ZNF229: variants seen among roughly 807,000 people sequenced by gnomAD.
The protein encoded by ZNF229 is zinc finger protein 229.
Under a neutral mutation model 11.8 loss-of-function variants are expected in ZNF229, and 10 were observed. The ratio of observed to expected loss-of-function variants is 0.85; its 90% CI spans 0.52 to 1.44. The LOEUF is 1.44. Among genes scored for constraint, ZNF229 ranks in the 40% most tolerant of loss-of-function variants. ZNF229 has a pLI of 0.00. For missense variants in ZNF229, 1,045 were observed against 1,015.1 expected, an observed-to-expected ratio of 1.03 and a Z score of -0.40; for synonymous variants, 368 against 374.8, an observed-to-expected ratio of 0.98 and a Z score of 0.21.
At chr19:44,433,267 G>A (rs112385981) in intron 4 of ZNF229, among the ~76,000 whole-genome samples, 13 of 152,062 alleles carry the variant, frequency 8.5e-5, no homozygotes, top group African/African-American at 2.2e-4. Flanking sequence ...ATGTTGCTCC[G>A]GCTGGTCTCA....
chr19:44,432,530 T>C (rs1033924997), intron 4 of ZNF229, among the ~76,000 whole-genome samples, 164 bp from the exon 5 acceptor site: 2 of 151,290 alleles, frequency 1.3e-5, no homozygotes, highest in African/African-American at 4.9e-5. Flanking sequence ...TGAGTTCATG[T>C]CCTTTGTAGG....
rs781380981 is a variant in ZNF229, at chr19:44,430,005, T to C, written c.776A>G (p.Asn259Ser). 2.5e-6 allele frequency: 4 copies of C among 1,614,000 alleles called. No homozygotes were observed. The East Asian group carries it at 8.9e-5, about 36-fold the overall frequency. The change falls in exon 6 of 6, where the codon AAC (asparagine) becomes AGC (serine). Residue 259 changes from asparagine (N) to serine (S), a missense_variant. Physicochemically the swap from Asn to Ser is conservative, Grantham distance 46 (BLOSUM62 1). Coordinates refer to ENST00000614049, the MANE Select transcript of ZNF229 (RefSeq NM_014518.4). ...CIKNSVLHRINPGENGLKSNE... is the reference protein window; with the variant it reads ...CIKNSVLHRISPGENGLKSNE... ...ACTTTTCAAGCCATTCTCTCCAGGGTTAATGCGATGAAGTACAGAGTTTTT... is the reference window on the plus strand; with the variant it reads ...ACTTTTCAAGCCATTCTCTCCAGGGCTAATGCGATGAAGTACAGAGTTTTT...
chr19:44,446,220 G>T (rs746577598), intron 2 of ZNF229, among the ~76,000 whole-genome samples: 6 of 152,190 alleles, frequency 3.9e-5, no homozygotes, highest in African/African-American at 4.8e-5. Flanking sequence ...TCCATGTAGG[G>T]ATGAAGAGGA....
chr19:44,446,086 A>G (rs1971999109), intron 2 of ZNF229, among the ~76,000 whole-genome samples: 1 of 152,214 alleles, frequency 6.6e-6, no homozygotes, highest in Non-Finnish European at 1.5e-5. Context: ...TCTGGACTGC[A>G]TGGAGCTCAC....
intron 4 of ZNF229, among the ~76,000 whole-genome samples, chr19:44,440,703 C>G (rs1342808355): frequency 1.3e-5 from 2 of 151,100 alleles, no homozygotes; most frequent in African/African-American, 4.9e-5. Context: ...TGGCAACTTG[C>G]AATTTGAACA....
intron 2 of ZNF229, among the ~76,000 whole-genome samples, chr19:44,445,260 T>C (rs1971984076): frequency 6.6e-6 from 1 of 152,174 alleles, no homozygotes; most frequent in Admixed American, 6.5e-5. Flanking sequence ...CTAAATGGCC[T>C]CTGCATTCCT....
chr19:44,442,783 C>CGG, intron 3 of ZNF229, 31 bp downstream of exon 3: 1 of 1,425,534 alleles, frequency 7.0e-7, no homozygotes, highest in Non-Finnish European at 9.9e-7. Context: ...TTTGGATTCT[C>CGG]CCCCCACCCA....
At chr19:44,432,529 G>A (rs1165470413) in intron 4 of ZNF229, among the ~76,000 whole-genome samples, 163 bp from the exon 5 acceptor site, 2 of 151,360 alleles carry the variant, frequency 1.3e-5, no homozygotes, top group Non-Finnish European at 2.9e-5. Context: ...ATGAGTTCAT[G>A]TCCTTTGTAG....
Position 44,428,151 on chromosome 19 carries a change from C to T in ZNF229, c.*152G>A. On this transcript the variant is annotated 3_prime_UTR_variant, in exon 6 of 6. Coordinates refer to ENST00000614049, the MANE Select transcript of ZNF229 (RefSeq NM_014518.4). ...AGTGCTAACCTATTTATCACACATC[C>T]AGGTGTTCCCTTCCTATGCAGACTA... 1.2e-6 allele frequency: 1 copy of T among 810,556 alleles called. No homozygotes were observed. Among genetic ancestry groups the T allele is most frequent in the Non-Finnish European group, 1.9e-6 (1 of 527,488 alleles). 50.2% of individuals were successfully genotyped at this position (810,556 alleles called of 1,614,324 possible). A position where few individuals can be genotyped will look rare whatever the true frequency, so the allele number is the denominator to read the frequency against.
chr19:44,427,239 C>CCA lies in ZNF229; in HGVS notation c.*1063_*1064insTG, dbSNP rs1971592206. ...AAACCATATCAGACTGTTTCTACAA[C>CCA]CCCCCCCCCCGCCCCCACTGATGGG... is the stretch of plus-strand genomic sequence containing the variant. On this transcript the variant is annotated 3_prime_UTR_variant, in exon 6 of 6. Coordinates refer to ENST00000614049, the MANE Select transcript of ZNF229 (RefSeq NM_014518.4). 1 of 20,068 alleles carries CCA rather than the reference C, an allele frequency of 5.0e-5. No individual in the cohort carries two copies. The highest frequency in any genetic ancestry group is 1.4e-4 in the African/African-American group (1 of 7,328). The allele number at this position is 20,068 out of a possible 1,614,324, so 1.2% of individuals were successfully genotyped here. A position where few individuals can be genotyped will look rare whatever the true frequency, so the allele number is the denominator to read the frequency against.
In ZNF229 at chr19:44,428,947, T is replaced by C; in HGVS notation, c.1834A>G (p.Ser612Gly). Reference sequence around the variant, plus strand: ...CTCTGATGGATAAGGAGGTCGGAGCTGTAGATGAAACCCTTCCCACACACG... The same window carrying C: ...CTCTGATGGATAAGGAGGTCGGAGCCGTAGATGAAACCCTTCCCACACACG... ...CDVCGKGFIYSSDLLIHQRVH... is the reference protein window; with the variant it reads ...CDVCGKGFIYGSDLLIHQRVH... Residue 612 changes from serine (S) to glycine (G), a missense_variant, in exon 6 of 6, where the codon AGC becomes GGC. Physicochemically the swap from Ser to Gly is moderately conservative, Grantham distance 56 (BLOSUM62 0). Transcript: ENST00000614049. The C allele has an allele frequency of 6.2e-7, 1 of 1,613,416 alleles. No homozygotes were observed. The highest frequency in any genetic ancestry group is 8.5e-7 in the Non-Finnish European group (1 of 1,179,860).
At chr19:44,447,974 T>C (rs1434578) in intron 1 of ZNF229, among the ~76,000 whole-genome samples, 3 of 152,180 alleles carry the variant, frequency 2.0e-5, no homozygotes, top group Non-Finnish European at 4.4e-5. Flanking sequence ...CCAGCAACGA[T>C]ACAGCAAACC....
At chr19:44,442,372 C>T (rs62116268) in intron 4 of ZNF229, among the ~76,000 whole-genome samples, 191 bp downstream of exon 4, 223 of 152,222 alleles carry the variant, frequency 1.5e-3, no homozygotes, top group Non-Finnish European at 2.7e-3. Context: ...ATCCTGGATC[C>T]CCCATTCATT....
At chr19:44,442,424 A>G in intron 4 of ZNF229, 139 bp downstream of exon 4, 1 of 806,384 alleles carries the variant, frequency 1.2e-6, no homozygotes, top group Non-Finnish European at 2.0e-6. Flanking sequence ...GTCTCACATC[A>G]CTATTTTGTG....
intron 4 of ZNF229, among the ~76,000 whole-genome samples, chr19:44,437,651 T>C (rs1971837241): frequency 1.3e-5 from 2 of 152,080 alleles, no homozygotes; most frequent in African/African-American, 2.4e-5. Flanking sequence ...TATTCTACCA[T>C]AAAGACACAT....
rs562639700 is a variant in ZNF229 at position 44,430,266 on chromosome 19, T to C, written c.515A>G (p.Gln172Arg). ...TCTTATAGCTCTCCAGGCTGGAAAC[T>C]GTTGATTTTCTAGACCGATAAGCCC... is the stretch of plus-strand genomic sequence containing the variant. The part of the protein sequence containing the change: ...GDGLIGLENQ[Q>R]FPAWRAIRPI... Residue 172 changes from glutamine to arginine, a missense_variant, in exon 6 of 6, where the codon CAG becomes CGG. By Grantham distance (43) the Gln-to-Arg change is conservative. Coordinates refer to ENST00000614049, the MANE Select transcript of ZNF229 (RefSeq NM_014518.4). The C allele has an allele frequency of 3.7e-6, 6 of 1,614,128 alleles. No individual in the cohort carries two copies. In the South Asian group the frequency reaches 6.6e-5, roughly 18 times the overall value.
At position 44,429,901 on chromosome 19, in the gene ZNF229, G is replaced by C; in HGVS notation, c.880C>G (p.Gln294Glu). ...AAGCCCTCACTAAACTCATCATATT[G>C]ACAGAGTTTCTCTTTCAAAGGTACT... is the stretch of plus-strand genomic sequence containing the variant. Reference protein sequence around the residue: ...PRVPLKEKLCQYDEFSEGLRH... With the variant: ...PRVPLKEKLCEYDEFSEGLRH... Residue 294 changes from glutamine to glutamate, a missense_variant, in exon 6 of 6, where the codon CAA (glutamine) becomes GAA (glutamate). Transcript: ENST00000614049. The C allele has an allele frequency of 6.2e-7, 1 of 1,614,036 alleles. No homozygotes were observed. Among genetic ancestry groups the C allele is most frequent in the Non-Finnish European group, 8.5e-7 (1 of 1,180,004 alleles).
chr19:44,428,606 T>C lies in ZNF229; in HGVS notation c.2175A>G (p.Ser725=), dbSNP rs1431907421. The change falls in exon 6 of 6, where the codon TCA becomes TCG. Residue 725 remains serine (S), a synonymous_variant. Transcript: ENST00000614049. The part of the protein sequence containing the change: ...CECGKGFRYG[S]GLLSHKRVHT... ...GCACTCTCTTATGACTAAGGAGACC[T>C]GAGCCATATCTGAAACCCTTCCCAC... 6.2e-7 allele frequency: 1 copy of C among 1,613,956 alleles called. No individual in the cohort carries two copies. The highest frequency in any genetic ancestry group is 8.5e-7 in the Non-Finnish European group (1 of 1,180,012).
In ZNF229 at chr19:44,428,590, T is replaced by G. The variant is rs867939034; in HGVS notation, c.2191A>C (p.Lys731Gln). 1 of 1,613,464 alleles carries G rather than the reference T, an allele frequency of 6.2e-7. No individual in the cohort carries two copies. Among genetic ancestry groups the G allele is most frequent in the Non-Finnish European group, 8.5e-7 (1 of 1,179,894 alleles). Residue 731 changes from lysine to glutamine, a missense_variant, in exon 6 of 6, where the codon AAG (lysine) becomes CAG (glutamine). Transcript: ENST00000614049. ...FRYGSGLLSH[K>Q]RVHTGEKPYR... ...GGCTTCTCGCCAGTGTGCACTCTCT[T>G]ATGACTAAGGAGACCTGAGCCATAT...
Sources: gnomAD v4.1 joint callset for allele counts (sites outside exome capture counted in the v4.1 genomes callset) on GRCh38, gnomAD v4.1.1 for gene constraint, MANE v1.5 for transcripts, NCBI Gene and HGNC (gene_info 2026-07-23, HGNC 2026-07-21) for gene names.